Variants in KRT7 observed in about 807,000 individuals in gnomAD.
KRT7 encodes the protein keratin, type II cytoskeletal 7.
A neutral mutation model predicts 42.8 loss-of-function variants in KRT7; 50 were observed. The observed-to-expected ratio is 1.17, with a 90% CI of 0.93 to 1.48. The LOEUF (loss-of-function observed/expected upper bound fraction) is 1.48, where lower values mean the gene tolerates loss of function less well. KRT7 is among the 40% of genes most tolerant of loss of function. The pLI, the probability that KRT7 is intolerant of heterozygous loss-of-function variation, is 0.00. For synonymous variants in KRT7, 268 were observed against 266.3 expected (o/e 1.01, Z -0.06); for missense variants, 588 against 637.6 (o/e 0.92, Z 0.84).
Position 52,245,416 on chromosome 12 carries a change from C to T in KRT7, c.989C>T (p.Ala330Val). The T allele has an allele frequency of 6.2e-7, 1 of 1,613,594 alleles. No homozygotes were observed. Among genetic ancestry groups the T allele is most frequent in the Non-Finnish European group, 8.5e-7 (1 of 1,179,934 alleles). ...AEIDNIKNQR[A>V]KLEAAIAEAE... ...CAGCTGCACTGCTGCCCACAGCGTG[C>T]CAAGTTGGAGGCCGCCATTGCCGAG... The change falls in exon 7 of 9, where the codon GCC becomes GTC. Residue 330 changes from alanine (A) to valine (V), a missense_variant. By Grantham distance (64) the Ala-to-Val change is moderately conservative. Transcript: ENST00000331817.
At chr12:52,237,440 C>T in intron 2 of KRT7, 69 bp from the exon 3 acceptor site, 1 of 1,135,744 alleles carries the variant, frequency 8.8e-7, no homozygotes, top group African/African-American at 1.6e-5. Flanking sequence ...TTCACAGCTG[C>T]ATATGGCGGA....
chr12:52,254,433 A>G, downstream of KRT7: 1 of 565,620 alleles, frequency 1.8e-6, no homozygotes, highest in South Asian at 1.5e-5. Context: ...TTTTCCTACC[A>G]GGGAGGGGCA....
intron 5 of KRT7, 60 bp downstream of exon 5, chr12:52,241,696 A>ACTC: frequency 2.1e-6 from 3 of 1,457,832 alleles, no homozygotes; most frequent in Non-Finnish European, 2.8e-6. Flanking sequence ...AGCTTCCCTT[A>ACTC]CTCCTCAACT....
At chr12:52,238,058 T>A (rs1942035194) in intron 3 of KRT7, among the ~76,000 whole-genome samples, 1 of 152,150 alleles carries the variant, frequency 6.6e-6, no homozygotes, top group African/African-American at 2.4e-5. Flanking sequence ...ACTGAGCAGT[T>A]GGTGTTCCAG....
chr12:52,237,984 T>C (rs1942034511), intron 3 of KRT7, among the ~76,000 whole-genome samples: 1 of 152,204 alleles, frequency 6.6e-6, no homozygotes, highest in Admixed American at 6.5e-5. Flanking sequence ...ATGTGCAAGC[T>C]TGGAACGCCT....
At chr12:52,249,324 T>G (rs1486650701), downstream of KRT7, 1 of 152,338 alleles carries the variant, frequency 6.6e-6, no homozygotes, top group African/African-American at 2.4e-5. Context: ...CAGCCAACTT[T>G]CATGCCAGCC....
At position 52,248,906 on chromosome 12, in the gene KRT7, A is replaced by G. The variant is rs949014173; in HGVS notation, c.*146A>G. ...CTTCCAATAAAGCAGCCTCATTCTG[A>G]GGCCTGAGTGATCCACGTGCCTGGT... is the stretch of plus-strand genomic sequence containing the variant. On this transcript the variant is annotated 3_prime_UTR_variant, in exon 9 of 9. Transcript: ENST00000331817. The G allele has an allele frequency of 2.8e-6, 2 of 726,744 alleles. No homozygotes were observed. The highest frequency in any genetic ancestry group is 4.0e-6 in the Non-Finnish European group (2 of 500,344). The allele number at this position is 726,744 out of a possible 1,614,324, so 45.0% of individuals were successfully genotyped here. A position where few individuals can be genotyped will look rare whatever the true frequency, so the allele number is the denominator to read the frequency against.
intron 3 of KRT7, 112 bp downstream of exon 3, chr12:52,237,681 G>T (rs1942030665): frequency 1.2e-6 from 1 of 800,302 alleles, no homozygotes; most frequent in African/African-American, 1.7e-5. Context: ...GCCTGCCTGA[G>T]CTGTCCAAGA....
At position 52,235,143 on chromosome 12, in the gene KRT7, C is replaced by A; in HGVS notation, c.325-12C>A. On this transcript the variant is annotated splice_polypyrimidine_tract_variant and intron_variant, in intron 1 of 8. Coordinates refer to ENST00000331817, the MANE Select transcript of KRT7 (RefSeq NM_005556.4). ...GGCTCCTCTTGAGTTTCCTCCTTCT[C>A]GCCCGTTCTAGGTGCGGTTTCTGGA... 1.2e-6 allele frequency: 2 copies of A among 1,613,416 alleles called. No homozygotes were observed. Among genetic ancestry groups the A allele is most frequent in the East Asian group, 2.2e-5 (1 of 44,878 alleles).
intron 2 of KRT7, among the ~76,000 whole-genome samples, chr12:52,236,904 T>TG (rs1942019183): frequency 6.6e-6 from 1 of 152,190 alleles, no homozygotes; most frequent in Non-Finnish European, 1.5e-5. Flanking sequence ...AGGCGGGACC[T>TG]GGTTCTTTCA....
Position 52,248,791 on chromosome 12 carries a change from AC to A in KRT7, c.*33del. The A allele has an allele frequency of 6.7e-7, 1 of 1,497,310 alleles. No homozygotes were observed. The highest frequency in any genetic ancestry group is 8.9e-7 in the Non-Finnish European group (1 of 1,125,448). 92.8% of individuals were successfully genotyped at this position (1,497,310 alleles called of 1,614,324 possible). On this transcript the variant is annotated 3_prime_UTR_variant, in exon 9 of 9. Coordinates refer to ENST00000331817, the MANE Select transcript of KRT7 (RefSeq NM_005556.4). ...CTCCCACCACTCCACTCCTCCAGCC[AC>A]CACCCACAATCACAAGAAGATTCCC...
intron 3 of KRT7, 43 bp from the exon 4 acceptor site, chr12:52,238,637 G>T: frequency 8.4e-7 from 1 of 1,196,184 alleles, no homozygotes; most frequent in Non-Finnish European, 1.3e-6. Flanking sequence ...TCCCTGTACT[G>T]AGGACATGGT....
chr12:52,250,605 TCC>T, downstream of KRT7: 1 of 1,169,600 alleles, frequency 8.5e-7, no homozygotes, highest in Non-Finnish European at 1.2e-6. Flanking sequence ...CACGCACAGG[TCC>T]CCGCATAAGA....
At chr12:52,241,756 G>T in intron 5 of KRT7, 120 bp downstream of exon 5, 2 of 852,878 alleles carry the variant, frequency 2.3e-6, no homozygotes, top group South Asian at 1.8e-5. Flanking sequence ...AGGCACCAGT[G>T]GTTTAAGTCT....
At chr12:52,253,156 T>C (rs200317528), downstream of KRT7, 260 of 1,524,366 alleles carry the variant, frequency 1.7e-4, 1 homozygote, top group Middle Eastern at 8.8e-4. Flanking sequence ...CAAATCCCTC[T>C]CCTGAGGGCT....
intron 7 of KRT7, chr12:52,247,183 T>A (rs189669398): frequency 6.6e-6 from 1 of 151,632 alleles, no homozygotes; most frequent in Admixed American, 6.5e-5. Flanking sequence ...TTACTTAGAA[T>A]GAGAAAAGTC....
chr12:52,236,197 G>GTC lies in KRT7; in HGVS notation c.536+831_536+832insTC, dbSNP rs1555182159. Among the ~76,000 whole-genome samples the GTC allele has an allele frequency of 3.4e-5, 5 of 145,604 alleles. 1 individual carries two copies. Among genetic ancestry groups the GTC allele is most frequent in the African/African-American group, 1.3e-4 (5 of 38,710 alleles). On this transcript the variant is annotated intron_variant, in intron 2 of 8. Transcript: ENST00000331817. ...AGAGCAAACAAGGTCTCTGTGGAGT[G>GTC]CCCCCCCCCAACACTCCCACTTCCC...
downstream of KRT7, chr12:52,250,704 T>C (rs1942252616): frequency 5.8e-6 from 3 of 513,752 alleles, no homozygotes; most frequent in African/African-American, 2.0e-5. Flanking sequence ...TGCTCAGAGC[T>C]TCTCCCCTCT....
chr12:52,250,611 C>A, downstream of KRT7: 2 of 1,068,930 alleles, frequency 1.9e-6, no homozygotes, highest in Non-Finnish European at 2.8e-6. Context: ...CAGGTCCCCG[C>A]ATAAGACCCC....
Sources: gnomAD v4.1 joint callset for allele counts (sites outside exome capture counted in the v4.1 genomes callset) on GRCh38, gnomAD v4.1.1 for gene constraint, MANE v1.5 for transcripts, NCBI Gene and HGNC (gene_info 2026-07-23, HGNC 2026-07-21) for gene names.